CHRNE: variants seen among roughly 807,000 people sequenced by gnomAD.
The protein encoded by CHRNE is cholinergic receptor nicotinic epsilon subunit.
Under a neutral mutation model 56.5 loss-of-function variants are expected in CHRNE, and 58 were observed. The ratio of observed to expected loss-of-function variants is 1.03; its 90% confidence interval spans 0.83 to 1.28. The LOEUF (loss-of-function observed/expected upper bound fraction) is 1.28, where lower values mean the gene tolerates loss of function less well. CHRNE is among the 50% of genes most tolerant of loss of function. The probability of loss-of-function intolerance (pLI) is 0.00; values close to 1 mark genes in which losing one functional copy is unlikely to be tolerated. For synonymous variants in CHRNE, 385 were observed against 297.9 expected, an observed-to-expected ratio of 1.29 and a Z score of -3.01; for missense variants, 793 against 688.9, an observed-to-expected ratio of 1.15 and a Z score of -1.69.
chr17:4,900,568 C>T (rs1156553164), intron 8 of CHRNE: 7 of 1,549,384 alleles, frequency 4.5e-6, no homozygotes, highest in Non-Finnish European at 6.1e-6. Flanking sequence ...AGGCACTGAG[C>T]CGGACTGTCC....
chr17:4,899,938 G>A, intron 8 of CHRNE: 10 of 1,550,386 alleles, frequency 6.5e-6, no homozygotes, highest in Non-Finnish European at 7.9e-6. Flanking sequence ...TTCTCCAGGT[G>A]GCCCTCCAGC....
In CHRNE at chr17:4,902,896, T is replaced by C. The variant is rs764157586; in HGVS notation, c.46+122A>G. ...CAGTATCTGTCTCCTAAACCAATTA[T>C]GCTGTGCCTGGGAACGAAATACTGT... is the stretch of plus-strand genomic sequence containing the variant. On this transcript the variant is annotated intron_variant, in intron 1 of 11. Transcript: ENST00000649488. This position sits in a 1 kb window ranked among gnomAD's most constrained non-coding sequence, Gnocchi z 4.0. The C allele has an allele frequency of 5.1e-6, 8 of 1,582,126 alleles. No individual in the cohort carries two copies. Among genetic ancestry groups the C allele is most frequent in the East Asian group, 2.2e-5 (1 of 44,720 alleles).
Position 4,902,255 on chromosome 17 carries a change from T to C in CHRNE, c.306A>G (p.Ser102=). The C allele has an allele frequency of 6.2e-7, 1 of 1,614,196 alleles. No individual in the cohort carries two copies. Among genetic ancestry groups the C allele is most frequent in the Non-Finnish European group, 8.5e-7 (1 of 1,180,022 alleles). ...CAATCTCTGGCAGCCACACGAGTTCTGAAGGGACTCGCAGGGTTTCTATAC... is the reference window on the plus strand; with the variant it reads ...CAATCTCTGGCAGCCACACGAGTTCCGAAGGGACTCGCAGGGTTTCTATAC... ...FGGIETLRVP[S]ELVWLPEIVL... The change falls in exon 4 of 12, where the codon TCA becomes TCG. Residue 102 remains serine (S), a synonymous_variant. Transcript: ENST00000649488. The surrounding 1 kb of genome is among the most constrained non-coding windows in gnomAD (Gnocchi z 4.0).
chr17:4,899,601 A>C lies in CHRNE; in HGVS notation c.918-19T>G, dbSNP rs775834271. Reference sequence around the variant, plus strand: ...AAGGAACCTGAGGAGCCCGGAAGGCATGACATCACCGTTCCTCCTCCCAGC... The same window carrying C: ...AAGGAACCTGAGGAGCCCGGAAGGCCTGACATCACCGTTCCTCCTCCCAGC... On this transcript the variant is annotated intron_variant, in intron 8 of 11. Transcript: ENST00000649488. 1.3e-6 allele frequency: 2 copies of C among 1,537,698 alleles called. No homozygotes were observed. Among genetic ancestry groups the C allele is most frequent in the Non-Finnish European group, 8.8e-7 (1 of 1,130,720 alleles).
Position 4,902,022 on chromosome 17 carries a change from G to A in CHRNE, c.410C>T (p.Thr137Met), listed in dbSNP as rs146089157. The change falls in exon 5 of 12, where the codon ACG becomes ATG. Residue 137 changes from threonine to methionine, a missense_variant. Coordinates refer to ENST00000649488, the MANE Select transcript of CHRNE (RefSeq NM_000080.4). The surrounding 1 kb of genome is among the most constrained non-coding windows in gnomAD (Gnocchi z 4.0). The stretch of plus-strand genomic sequence containing the variant: ...GCGGTAGATGGCCGGAGGCAGCCAC[G>A]TCACGGAGCCGCCCTCGTAGACGAG... ...NVLVYEGGSV[T>M]WLPPAIYRSV... The A allele has an allele frequency of 1.8e-5, 29 of 1,613,992 alleles. No individual in the cohort carries two copies. The highest frequency in any genetic ancestry group is 1.9e-5 in the Non-Finnish European group (23 of 1,180,052).
In CHRNE at chr17:4,902,104, A is replaced by T. The variant is rs758366677; in HGVS notation, c.345-17T>A. ...CCATCAATACTGTGGGCTCGGGGAA[A>T]CCGAGCTTTTTGCACAGGTCTGCAC... On this transcript the variant is annotated splice_polypyrimidine_tract_variant and intron_variant, in intron 4 of 11. Transcript: ENST00000649488. This position sits in a 1 kb window ranked among gnomAD's most constrained non-coding sequence, Gnocchi z 4.0. 8 of 1,613,446 alleles carry T rather than the reference A, an allele frequency of 5.0e-6. No homozygotes were observed. In the Admixed American group the frequency reaches 1.2e-4, roughly 24 times the overall value.
chr17:4,904,553 C>G (rs1253045273), upstream of CHRNE, among the ~76,000 whole-genome samples: 1 of 152,188 alleles, frequency 6.6e-6, no homozygotes, highest in Non-Finnish European at 1.5e-5. Context: ...ATATTTTCTG[C>G]TTACATCTCA....
At chr17:4,900,357 G>T (rs1364657459) in intron 8 of CHRNE, 4 of 1,548,448 alleles carry the variant, frequency 2.6e-6, no homozygotes, top group South Asian at 1.2e-5. Context: ...AGGGCAGGGG[G>T]TTCGGCAAGC....
intron 8 of CHRNE, 106 bp downstream of exon 8, chr17:4,900,687 G>A: frequency 3.4e-6 from 5 of 1,461,242 alleles, no homozygotes; most frequent in Non-Finnish European, 4.7e-6. Context: ...TCCGAATAAA[G>A]CCCAGGGCGG....
At position 4,901,048 on chromosome 17, in the gene CHRNE, G is replaced by A. The variant is rs1288770447; in HGVS notation, c.744C>T (p.Ile248=). The A allele has an allele frequency of 3.1e-6, 5 of 1,614,074 alleles. No individual in the cohort carries two copies. In the South Asian group the frequency reaches 4.4e-5, roughly 14 times the overall value. Residue 248 remains isoleucine, a synonymous_variant, in exon 7 of 12, where the codon ATC becomes ATT. Transcript: ENST00000649488. The part of the protein sequence containing the change: ...RKPLFYVINI[I]VPCVLISGLV... ...GGCCCGAGATGAGCACACAGGGCAC[G>A]ATGATGTTAATGACGTAGAAGAGCG...
Position 4,902,193 on chromosome 17 carries a change from C to G in CHRNE, c.344+24G>C, listed in dbSNP as rs774891621. ...GCACCCCAGGCCGGCTTCCCTCCAG[C>G]CTGGCGTCTGGCCCGGTTCTCACTT... On this transcript the variant is annotated intron_variant, in intron 4 of 11. Coordinates refer to ENST00000649488, the MANE Select transcript of CHRNE (RefSeq NM_000080.4). The surrounding 1 kb of genome is among the most constrained non-coding windows in gnomAD (Gnocchi z 4.0). 1.2e-6 allele frequency: 2 copies of G among 1,613,664 alleles called. No individual in the cohort carries two copies. Among genetic ancestry groups the G allele is most frequent in the Non-Finnish European group, 1.7e-6 (2 of 1,179,804 alleles).
At position 4,900,721 on chromosome 17, in the gene CHRNE, C is replaced by T. The variant is rs55735639; in HGVS notation, c.917+72G>A. 0.012 allele frequency: 18,206 copies of T among 1,509,042 alleles called. 130 individuals carry two copies. The highest frequency in any genetic ancestry group is 0.021 in the Middle Eastern group (109 of 5,164). The allele number at this position is 1,509,042 out of a possible 1,614,324, so 93.5% of individuals were successfully genotyped here. A position where few individuals can be genotyped will look rare whatever the true frequency, so the allele number is the denominator to read the frequency against. On this transcript the variant is annotated intron_variant, in intron 8 of 11. Coordinates refer to ENST00000649488, the MANE Select transcript of CHRNE (RefSeq NM_000080.4). ...GGGGCGAGACAGCCAGAGCTTTTCC[C>T]GGGGTCTCTGGGTTTTGGCCACGCC...
chr17:4,899,830 T>C (rs1969904014), intron 8 of CHRNE: 1 of 1,550,934 alleles, frequency 6.4e-7, no homozygotes, highest in Non-Finnish European at 8.7e-7. Context: ...TCCACCGAGG[T>C]GAGGCTACGC....
rs914008119 is a variant in CHRNE, at chr17:4,898,354, C to T, written c.*382G>A. ...AGAGGGTTTCCTGGCTACAGCCTCC[C>T]TGTGTGCAAGTCCTGCAAAGGGGTC... On this transcript the variant is annotated 3_prime_UTR_variant, in exon 12 of 12. Coordinates refer to ENST00000649488, the MANE Select transcript of CHRNE (RefSeq NM_000080.4). 12 of 320,476 alleles carry T rather than the reference C, an allele frequency of 3.7e-5. No individual in the cohort carries two copies. The highest frequency in any genetic ancestry group is 3.1e-4 in the Admixed American group (7 of 22,476). The allele number at this position is 320,476 out of a possible 1,614,324, so 19.9% of individuals were successfully genotyped here. A position where few individuals can be genotyped will look rare whatever the true frequency, so the allele number is the denominator to read the frequency against.
At chr17:4,901,823 C>T (rs1969995971) in intron 5 of CHRNE, 109 bp downstream of exon 5, 2 of 1,513,280 alleles carry the variant, frequency 1.3e-6, no homozygotes, top group East Asian at 2.3e-5. Flanking sequence ...CGCCTGGCTC[C>T]GCCTCCAGCG....
rs1378463179 is a variant in CHRNE at position 4,901,619 on chromosome 17, C to T, written c.507G>A (p.Gln169=). The change falls in exon 6 of 12, where the codon CAG becomes CAA. Residue 169 remains glutamine (Q), a synonymous_variant. Coordinates refer to ENST00000649488, the MANE Select transcript of CHRNE (RefSeq NM_000080.4). Reference sequence around the variant, plus strand: ...ACTCCACCTCTTCGGCATTGTACGTCTGAGAGCTGCGGAGCCAGGGCCGGG... The same window carrying T: ...ACTCCACCTCTTCGGCATTGTACGTTTGAGAGCTGCGGAGCCAGGGCCGGG... ...WQNCSLIFRS[Q]TYNAEEVEFT... 1 of 1,614,032 alleles carries T rather than the reference C, an allele frequency of 6.2e-7. No homozygotes were observed. The highest frequency in any genetic ancestry group is 1.3e-5 in the African/African-American group (1 of 75,050).
At chr17:4,900,076 G>T in intron 8 of CHRNE, 4 of 1,551,070 alleles carry the variant, frequency 2.6e-6, no homozygotes, top group Non-Finnish European at 3.5e-6. Flanking sequence ...CTGCCCCGAA[G>T]CCCACCCTGG....
At chr17:4,903,203 G>A, upstream of CHRNE, 1 of 852,696 alleles carries the variant, frequency 1.2e-6, no homozygotes, top group Non-Finnish European at 1.9e-6. Flanking sequence ...CACCCCTGCT[G>A]CAGCTGGGGA....
chr17:4,902,942 CTCTG>C lies in CHRNE; in HGVS notation c.46+72_46+75del, dbSNP rs890775918. On this transcript the variant is annotated intron_variant, in intron 1 of 11. Coordinates refer to ENST00000649488, the MANE Select transcript of CHRNE (RefSeq NM_000080.4). The surrounding 1 kb of genome is among the most constrained non-coding windows in gnomAD (Gnocchi z 4.0). ...ACTGTGTCTAAGTCTCCATCTTGGTCTCTGTCTTTGTCTTCCCAGTCCCTTCATG... is the reference window on the plus strand; with the variant it reads ...ACTGTGTCTAAGTCTCCATCTTGGTCTCTTTGTCTTCCCAGTCCCTTCATG... 181 of 1,602,994 alleles carry C rather than the reference CTCTG, an allele frequency of 1.1e-4. No homozygotes were observed. Among genetic ancestry groups the C allele is most frequent in the Middle Eastern group, 8.3e-4 (5 of 6,050 alleles).
Sources: allele counts gnomAD v4.1 joint callset (sites outside exome capture counted in the v4.1 genomes callset), GRCh38; gene constraint gnomAD v4.1.1; non-coding constraint Gnocchi (gnomAD v3.1); transcripts MANE v1.5; gene names NCBI Gene and HGNC (gene_info 2026-07-23, HGNC 2026-07-21).